The following SLC25A3 variants were observed in gnomAD, a reference collection of about 807,000 sequenced individuals.
The protein encoded by SLC25A3 is solute carrier family 25 member 3, also known as phosphate transport protein.
SLC25A3 carries 14 observed loss-of-function variants against 37.1 expected under a neutral mutation model. The ratio of observed to expected loss-of-function variants is 0.38; its 90% CI spans 0.25 to 0.59. The LOEUF (loss-of-function observed/expected upper bound fraction) is 0.59. Among genes scored for constraint, SLC25A3 ranks in the 20% least tolerant of loss-of-function variants. SLC25A3 has a pLI of 0.67. For synonymous variants in SLC25A3, 161 were observed against 168.7 expected (o/e 0.95, Z 0.36); for missense variants, 385 against 458.1 (o/e 0.84, Z 1.46).
chr12:98,594,746 T>G, intron 2 of SLC25A3: 1 of 260,190 alleles, frequency 3.8e-6, no homozygotes, highest in Non-Finnish European at 7.6e-6. Flanking sequence ...AGCTTTAACT[T>G]AGTTGTGTGT....
At chr12:98,599,816 C>T in intron 5 of SLC25A3, 139 bp from the exon 6 acceptor site, 1 of 910,752 alleles carries the variant, frequency 1.1e-6, no homozygotes, top group Non-Finnish European at 1.8e-6. Flanking sequence ...GTCTAACGTT[C>T]TGATAGAAAT....
At position 98,593,992 on chromosome 12, in the gene SLC25A3, T is replaced by G. The variant is rs779723568; in HGVS notation, c.14T>G (p.Val5Gly). The G allele has an allele frequency of 1.2e-6, 2 of 1,613,888 alleles. No individual in the cohort carries two copies. The highest frequency in any genetic ancestry group is 2.2e-5 in the South Asian group (2 of 91,074). Residue 5 changes from valine to glycine, a missense_variant, in exon 2 of 8, where the codon GTG becomes GGG. By Grantham distance (109) the Val-to-Gly change is moderately radical. This residue lies in a region of SLC25A3 where 109 missense variants were observed against 90.5 expected (regional missense o/e 1.20). Transcript: ENST00000552981. ...TCCCCTAGAAAGATGTTCTCGTCCG[T>G]GGCGCACCTGGCGCGGGCGAACCCC... is the stretch of plus-strand genomic sequence containing the variant. MFSS[V>G]AHLARANPFN...
chr12:98,599,613 A>C (rs1204531173), intron 5 of SLC25A3: 3 of 533,100 alleles, frequency 5.6e-6, no homozygotes, highest in Non-Finnish European at 1.1e-5. Context: ...ATCTATTCAC[A>C]GTTAAGAATT....
At position 98,604,453 on chromosome 12, in the gene SLC25A3, TAACTA is replaced by T. The variant is rs2097600140; in HGVS notation, c.*2929_*2933del. The stretch of plus-strand genomic sequence containing the variant: ...AAAATTGAACAGAAGAGTAACAGCT[TAACTA>T]AACCTCCATTGTGTGAAAGTTTTAT... On this transcript the variant is annotated 3_prime_UTR_variant, in exon 8 of 8. Coordinates refer to ENST00000552981, the MANE Select transcript of SLC25A3 (RefSeq NM_002635.4). The T allele has an allele frequency of 6.6e-6, 1 of 151,642 alleles. No individual in the cohort carries two copies. The highest frequency in any genetic ancestry group is 2.1e-4 in the South Asian group (1 of 4,810). The allele number at this position is 151,642 out of a possible 1,614,324, so 9.4% of individuals were successfully genotyped here. A position where few individuals can be genotyped will look rare whatever the true frequency, so the allele number is the denominator to read the frequency against.
rs2097590326 is a variant in SLC25A3, at chr12:98,593,689, T to A, written c.-56T>A. On this transcript the variant is annotated 5_prime_UTR_variant, in exon 1 of 8. Transcript: ENST00000552981. Reference sequence around the variant, plus strand: ...TAGGACCCGGAGGACGTCCGGCCTCTGTGAGCCGCAACCTTTCCAAGGGAG... The same window carrying A: ...TAGGACCCGGAGGACGTCCGGCCTCAGTGAGCCGCAACCTTTCCAAGGGAG... 1.9e-6 allele frequency: 1 copy of A among 516,476 alleles called. No individual in the cohort carries two copies. The highest frequency in any genetic ancestry group is 3.5e-5 in the East Asian group (1 of 28,612). The allele number at this position is 516,476 out of a possible 1,614,324, so 32.0% of individuals were successfully genotyped here. A position where few individuals can be genotyped will look rare whatever the true frequency, so the allele number is the denominator to read the frequency against.
At chr12:98,601,021 G>GA (rs2097597427) in intron 6 of SLC25A3, 150 bp from the exon 7 acceptor site, 1 of 791,492 alleles carries the variant, frequency 1.3e-6, no homozygotes, top group South Asian at 1.6e-5. Flanking sequence ...ACATAGGATA[G>GA]ACAGCTTGAT....
intron 3 of SLC25A3, 189 bp from the exon 4 acceptor site, chr12:98,597,667 A>G (rs1592976803): frequency 1.5e-6 from 1 of 686,458 alleles, no homozygotes; most frequent in Non-Finnish European, 2.3e-6. Context: ...CAGGTAATCC[A>G]CCTGCCTCAG....
chr12:98,598,917 A>C lies in SLC25A3; in HGVS notation c.641+214A>C, dbSNP rs549832280. ...CAGCCTCCCAAGTAGCTGGGACTAC[A>C]GGCGCCTGCCACTGCGCCCAGCTAA... On this transcript the variant is annotated intron_variant, in intron 5 of 7. Coordinates refer to ENST00000552981, the MANE Select transcript of SLC25A3 (RefSeq NM_002635.4). Among the ~76,000 whole-genome samples, 265 of 151,954 alleles carry C rather than the reference A, an allele frequency of 1.7e-3. 1 individual carries two copies. Among genetic ancestry groups the C allele is most frequent in the Middle Eastern group, 0.014 (4 of 294 alleles).
Position 98,603,023 on chromosome 12 carries a change from G to T in SLC25A3, c.*1495G>T, listed in dbSNP as rs2097599096. On this transcript the variant is annotated 3_prime_UTR_variant, in exon 8 of 8. Coordinates refer to ENST00000552981, the MANE Select transcript of SLC25A3 (RefSeq NM_002635.4). ...GTGCTGCAGGAAAAAAGGAAAAGTT[G>T]TAGGTACAAATTTGGACCAAACTTT... 6.6e-6 allele frequency: 1 copy of T among 152,220 alleles called. No homozygotes were observed. The highest frequency in any genetic ancestry group is 6.5e-5 in the Admixed American group (1 of 15,278). 9.4% of individuals were successfully genotyped at this position (152,220 alleles called of 1,614,324 possible).
In SLC25A3 at chr12:98,594,025, C is replaced by T. The variant is rs143988295; in HGVS notation, c.47C>T (p.Thr16Met). 2.2e-5 allele frequency: 35 copies of T among 1,613,630 alleles called. No individual in the cohort carries two copies. In the African/African-American group the frequency reaches 4.0e-4, roughly 18 times the overall value. The change falls in exon 2 of 8, where the codon ACG becomes ATG. Residue 16 changes from threonine to methionine, a missense_variant. Thr to Met is a moderately conservative substitution (Grantham distance 81). This residue lies in a region of SLC25A3 where 109 missense variants were observed against 90.5 expected (regional missense o/e 1.20). Coordinates refer to ENST00000552981, the MANE Select transcript of SLC25A3 (RefSeq NM_002635.4). ...CTGGCGCGGGCGAACCCCTTCAACA[C>T]GCCACATCTGCAGCTGGTGCACGAT... ...AHLARANPFN[T>M]PHLQLVHDGL...
Position 98,601,580 on chromosome 12 carries a change from A to C in SLC25A3, c.*52A>C. 8.3e-7 allele frequency: 1 copy of C among 1,201,274 alleles called. No homozygotes were observed. The highest frequency in any genetic ancestry group is 1.2e-6 in the Non-Finnish European group (1 of 804,174). The allele number at this position is 1,201,274 out of a possible 1,614,324, so 74.4% of individuals were successfully genotyped here. Reference sequence around the variant, plus strand: ...TCTGCTTGTTGATCAGTGTTGAAGAAAGTGCAAAAGGAACTTTTATATATT... The same window carrying C: ...TCTGCTTGTTGATCAGTGTTGAAGACAGTGCAAAAGGAACTTTTATATATT... On this transcript the variant is annotated 3_prime_UTR_variant, in exon 8 of 8. Coordinates refer to ENST00000552981, the MANE Select transcript of SLC25A3 (RefSeq NM_002635.4).
chr12:98,600,239 G>GT (rs1005794231), intron 6 of SLC25A3, 112 bp downstream of exon 6: 20 of 808,696 alleles, frequency 2.5e-5, no homozygotes, highest in African/African-American at 2.2e-4. Flanking sequence ...CAGTGTTTTT[G>GT]TTTTTTTGGT....
chr12:98,594,386 A>C, intron 2 of SLC25A3: 1 of 700,060 alleles, frequency 1.4e-6, no homozygotes, highest in Non-Finnish European at 2.6e-6. Flanking sequence ...TGCCCGAGGG[A>C]AGAGAGGCCG....
At chr12:98,596,802 T>C (rs745969959) in intron 3 of SLC25A3, among the ~76,000 whole-genome samples, 6 of 152,078 alleles carry the variant, frequency 3.9e-5, no homozygotes, top group Non-Finnish European at 8.8e-5. Flanking sequence ...TCACTTGAGG[T>C]CAGGAGTTCG....
At position 98,598,036 on chromosome 12, in the gene SLC25A3, G is replaced by A. The variant is rs1565830490; in HGVS notation, c.459+1G>A. On this transcript the variant is annotated splice_donor_variant, in intron 4 of 7. Transcript: ENST00000552981. LOFTEE classifies it high-confidence loss of function. ...CTTGTATAGCAATATGCTTGGAGAGGTATGTAATTAACTTTAAAATTGAAT... is the reference window on the plus strand; with the variant it reads ...CTTGTATAGCAATATGCTTGGAGAGATATGTAATTAACTTTAAAATTGAAT... 1.2e-6 allele frequency: 2 copies of A among 1,612,928 alleles called. No individual in the cohort carries two copies. The highest frequency in any genetic ancestry group is 1.7e-6 in the Non-Finnish European group (2 of 1,179,144).
In SLC25A3 at chr12:98,603,019, AGTT is replaced by A. The variant is rs1039268678; in HGVS notation, c.*1494_*1496del. 5.9e-5 allele frequency: 9 copies of A among 152,214 alleles called. No homozygotes were observed. The highest frequency in any genetic ancestry group is 2.1e-4 in the South Asian group (1 of 4,832). 9.4% of individuals were successfully genotyped at this position (152,214 alleles called of 1,614,324 possible). ...ACCTGTGCTGCAGGAAAAAAGGAAAAGTTGTAGGTACAAATTTGGACCAAACTT... is the reference window on the plus strand; with the variant it reads ...ACCTGTGCTGCAGGAAAAAAGGAAAAGTAGGTACAAATTTGGACCAAACTT... On this transcript the variant is annotated 3_prime_UTR_variant, in exon 8 of 8. Coordinates refer to ENST00000552981, the MANE Select transcript of SLC25A3 (RefSeq NM_002635.4).
intron 4 of SLC25A3, 25 bp from the exon 5 acceptor site, chr12:98,598,497 C>G: frequency 6.2e-7 from 1 of 1,611,578 alleles, no homozygotes; most frequent in Non-Finnish European, 8.5e-7. Context: ...CAATTCACAT[C>G]CCTTCCTTGT....
Position 98,600,515 on chromosome 12 carries a change from C to T in SLC25A3, c.814+388C>T, listed in dbSNP as rs191784644. On this transcript the variant is annotated intron_variant, in intron 6 of 7. Coordinates refer to ENST00000552981, the MANE Select transcript of SLC25A3 (RefSeq NM_002635.4). ...GCAGCCTCCGCCTCCTGGGTTCAAG[C>T]GATTCTCCTGTCTCAGCCTCCTGAG... Among the ~76,000 whole-genome samples the T allele has an allele frequency of 1.9e-4, 29 of 152,264 alleles. No individual in the cohort carries two copies. In the East Asian group the frequency reaches 2.9e-3, roughly 15 times the overall value.
At chr12:98,595,086 T>C (rs2097591834) in intron 2 of SLC25A3, 1 of 293,624 alleles carries the variant, frequency 3.4e-6, no homozygotes, top group Non-Finnish European at 6.6e-6. Context: ...GCAAGCCTTT[T>C]ACATGTCGAG....
Sources: gnomAD v4.1 joint callset for allele counts (sites outside exome capture counted in the v4.1 genomes callset) on GRCh38, gnomAD v4.1.1 for gene constraint, gnomAD v4.1.1 regional missense constraint, MANE v1.5 for transcripts, NCBI Gene and HGNC (gene_info 2026-07-23, HGNC 2026-07-21) for gene names.